PADI4: variants seen among roughly 807,000 people sequenced by gnomAD.
PADI4 encodes the protein peptidyl arginine deiminase 4, also known as protein-arginine deiminase type-4.
In PADI4, 62 loss-of-function variants were observed where a neutral mutation model predicts 75.0. The ratio of observed to expected loss-of-function variants is 0.83; its 90% CI spans 0.67 to 1.02. PADI4 has a LOEUF of 1.02. Among genes scored for constraint, PADI4 ranks in the 50% least tolerant of loss-of-function variants. The pLI, the probability that PADI4 is intolerant of heterozygous loss-of-function variation, is 0.00. For synonymous variants in PADI4, 361 were observed against 348.1 expected, an observed-to-expected ratio of 1.04 and a Z score of -0.41; for missense variants, 845 against 850.5, an observed-to-expected ratio of 0.99 and a Z score of 0.08.
At position 17,333,875 on chromosome 1, in the gene PADI4, T is replaced by C. The variant is rs1277606076; in HGVS notation, c.274-68T>C. On this transcript the variant is annotated intron_variant, in intron 2 of 15. Coordinates refer to ENST00000375448, the MANE Select transcript of PADI4 (RefSeq NM_012387.3). ...CAGTGCCCTACCCTGAGCCGGCACA[T>C]AGGAGGGGGTCCAGTGGGTGTTTGT... The C allele has an allele frequency of 2.4e-6, 3 of 1,227,304 alleles. No homozygotes were observed. The Admixed American group carries it at 5.1e-5, about 21-fold the overall frequency. The allele number at this position is 1,227,304 out of a possible 1,614,324, so 76.0% of individuals were successfully genotyped here.
At chr1:17,313,802 T>C (rs1037378134) in intron 1 of PADI4, among the ~76,000 whole-genome samples, 1 of 152,142 alleles carries the variant, frequency 6.6e-6, no homozygotes, top group Non-Finnish European at 1.5e-5. Context: ...GCTGGCTGTA[T>C]GGAGGGTGTT....
At position 17,346,724 on chromosome 1, in the gene PADI4, G is replaced by T. The variant is rs1393182900; in HGVS notation, c.1047+585G>T. ...TAGCACCCTGACCCTCCCCACCACT[G>T]CCTTGCTTTGCCTCGGGACCCTGTC... On this transcript the variant is annotated intron_variant, in intron 9 of 15. Coordinates refer to ENST00000375448, the MANE Select transcript of PADI4 (RefSeq NM_012387.3). The surrounding 1 kb of genome is among the most constrained non-coding windows in gnomAD (Gnocchi z 4.3). Among the ~76,000 whole-genome samples, 1 of 151,910 alleles carries T rather than the reference G, an allele frequency of 6.6e-6. No individual in the cohort carries two copies. Among genetic ancestry groups the T allele is most frequent in the Non-Finnish European group, 1.5e-5 (1 of 67,982 alleles).
chr1:17,347,941 G>A lies in PADI4; in HGVS notation c.1048G>A (p.Asp350Asn). The A allele has an allele frequency of 6.4e-7, 1 of 1,567,920 alleles. No individual in the cohort carries two copies. The highest frequency in any genetic ancestry group is 8.7e-7 in the Non-Finnish European group (1 of 1,150,796). ...GCCTCCTCTCCACTCACTCCCACAG[G>A]ATGAAATGGAGATCGGCTACATCCA... ...EENMDDQWMQ[D>N]EMEIGYIQAP... The change falls in exon 10 of 16, where the codon GAT becomes AAT. Residue 350 changes from aspartate (D) to asparagine (N), a missense_variant and splice_region_variant. Transcript: ENST00000375448.
In PADI4 at chr1:17,339,799, T is replaced by A; in HGVS notation, c.638T>A (p.Val213Glu). The A allele has an allele frequency of 6.2e-7, 1 of 1,608,430 alleles. No individual in the cohort carries two copies. The highest frequency in any genetic ancestry group is 8.5e-7 in the Non-Finnish European group (1 of 1,177,274). Reference protein sequence around the residue: ...VARSEMDKVRVFQATRGKLSS... With the variant: ...VARSEMDKVREFQATRGKLSS... Reference sequence around the variant, plus strand: ...AGGTCTGAGATGGACAAAGTGAGGGTGTTTCAGGCCACACGTAAGTCATCC... The same window carrying A: ...AGGTCTGAGATGGACAAAGTGAGGGAGTTTCAGGCCACACGTAAGTCATCC... Residue 213 changes from valine to glutamate, a missense_variant, in exon 6 of 16, where the codon GTG (valine) becomes GAG (glutamate). Physicochemically the swap from Val to Glu is moderately radical, Grantham distance 121. Coordinates refer to ENST00000375448, the MANE Select transcript of PADI4 (RefSeq NM_012387.3).
chr1:17,320,040 T>G (rs918181219), intron 1 of PADI4, among the ~76,000 whole-genome samples: 2 of 152,238 alleles, frequency 1.3e-5, no homozygotes, highest in Non-Finnish European at 2.9e-5. Context: ...ACTTATTACT[T>G]ACCAGTTTGC....
At chr1:17,315,041 C>T (rs1036162650) in intron 1 of PADI4, among the ~76,000 whole-genome samples, 1 of 152,188 alleles carries the variant, frequency 6.6e-6, no homozygotes, top group African/African-American at 2.4e-5. Context: ...AGCATGGGAA[C>T]CAGGCTGGGA....
chr1:17,317,294 G>T (rs1172909238), intron 1 of PADI4, among the ~76,000 whole-genome samples: 2 of 151,782 alleles, frequency 1.3e-5, no homozygotes, highest in African/African-American at 4.8e-5. Flanking sequence ...TGCCGACGGA[G>T]TCTCGCTCTT....
In PADI4 at chr1:17,316,551, C is replaced by G. The variant is rs1443433089; in HGVS notation, c.92+8237C>G. ...AAAAATACAAAAAAATTAGCCAGGC[C>G]TGGTGGCGGGCGCCTGTAGTCCCAG... On this transcript the variant is annotated intron_variant, in intron 1 of 15. Transcript: ENST00000375448. Among the ~76,000 whole-genome samples, 4 of 148,944 alleles carry G rather than the reference C, an allele frequency of 2.7e-5. No individual in the cohort carries two copies. In the East Asian group the frequency reaches 6.0e-4, roughly 22 times the overall value.
chr1:17,337,785 T>C (rs1635587), intron 4 of PADI4, among the ~76,000 whole-genome samples: 97,641 of 151,882 alleles, frequency 0.64, 31,543 homozygotes, highest in Non-Finnish European at 0.67. Flanking sequence ...TGTGGTGGCA[T>C]GCGCCTATAG....
intron 2 of PADI4, 143 bp from the exon 3 acceptor site, chr1:17,333,800 G>T (rs562247768): frequency 5.0e-6 from 3 of 602,402 alleles, no homozygotes; most frequent in Non-Finnish European, 9.2e-6. Flanking sequence ...CCCATCGGAT[G>T]GGGCCACTCC....
Position 17,356,316 on chromosome 1 carries a change from G to T in PADI4, c.1456-41G>T. The T allele has an allele frequency of 6.8e-7, 1 of 1,459,902 alleles. No individual in the cohort carries two copies. The allele number at this position is 1,459,902 out of a possible 1,614,324, so 90.4% of individuals were successfully genotyped here. A position where few individuals can be genotyped will look rare whatever the true frequency, so the allele number is the denominator to read the frequency against. ...AGATCCACCCTCGTTGGGAGCTCCAGGGGCAAAGCTGACTTCTAACCCCAG... is the reference window on the plus strand; with the variant it reads ...AGATCCACCCTCGTTGGGAGCTCCATGGGCAAAGCTGACTTCTAACCCCAG... On this transcript the variant is annotated intron_variant, in intron 12 of 15. Transcript: ENST00000375448. This position sits in a 1 kb window ranked among gnomAD's most constrained non-coding sequence, Gnocchi z 4.1.
In PADI4 at chr1:17,341,800, G is replaced by T. The variant is rs1353121164; in HGVS notation, c.653-143G>T. The stretch of plus-strand genomic sequence containing the variant: ...AACTTCAGTCCTTTTCTCCTAAGGG[G>T]ACTGGCCAGATTTGGCTGCAAGGGG... On this transcript the variant is annotated intron_variant, in intron 6 of 15. Coordinates refer to ENST00000375448, the MANE Select transcript of PADI4 (RefSeq NM_012387.3). The T allele has an allele frequency of 1.8e-5, 11 of 625,900 alleles. No homozygotes were observed. In the East Asian group the frequency reaches 2.7e-4, roughly 16 times the overall value. 38.8% of individuals were successfully genotyped at this position (625,900 alleles called of 1,614,324 possible).
At chr1:17,358,760 C>T (rs571089244) in intron 13 of PADI4, 78 bp from the exon 14 acceptor site, 6 of 838,428 alleles carry the variant, frequency 7.2e-6, no homozygotes, top group Non-Finnish European at 9.8e-6. Context: ...AACACTGAGT[C>T]CCCCCCCGGC....
At chr1:17,363,482 C>A in intron 15 of PADI4, 40 bp from the exon 16 acceptor site, 1 of 1,439,828 alleles carries the variant, frequency 6.9e-7, no homozygotes, top group Non-Finnish European at 9.7e-7. Context: ...CTGCAGGCTG[C>A]CCGCTGCTGC....
Position 17,341,862 on chromosome 1 carries a change from C to T in PADI4, c.653-81C>T, listed in dbSNP as rs142434305. On this transcript the variant is annotated intron_variant, in intron 6 of 15. Transcript: ENST00000375448. Reference sequence around the variant, plus strand: ...TGCCATGTGGTGACCCTGGGAAAGGCTTCTGGGGAGCACTAAGGAGAGGAG... The same window carrying T: ...TGCCATGTGGTGACCCTGGGAAAGGTTTCTGGGGAGCACTAAGGAGAGGAG... 8.2e-4 allele frequency: 895 copies of T among 1,090,080 alleles called. 13 individuals are homozygous for T. The East Asian group carries it at 0.018, about 22-fold the overall frequency. 67.5% of individuals were successfully genotyped at this position (1,090,080 alleles called of 1,614,324 possible).
chr1:17,360,378 A>G (rs1337018726), intron 15 of PADI4, among the ~76,000 whole-genome samples: 1 of 151,902 alleles, frequency 6.6e-6, no homozygotes, highest in Non-Finnish European at 1.5e-5. Context: ...GACTGATAGT[A>G]ATAGAGTATG....
intron 10 of PADI4, among the ~76,000 whole-genome samples, chr1:17,352,594 G>A (rs1240987592): frequency 6.6e-6 from 1 of 152,140 alleles, no homozygotes; most frequent in Non-Finnish European, 1.5e-5. Context: ...AGAGCCAGCA[G>A]GGCATTCTGA....
At position 17,346,234 on chromosome 1, in the gene PADI4, C is replaced by T. The variant is rs1635571; in HGVS notation, c.1047+95C>T. The T allele has an allele frequency of 0.038, 27,965 of 730,382 alleles. 707 individuals carry two copies. The highest frequency in any genetic ancestry group is 0.047 in the African/African-American group (2,644 of 56,580). 45.2% of individuals were successfully genotyped at this position (730,382 alleles called of 1,614,324 possible). A position where few individuals can be genotyped will look rare whatever the true frequency, so the allele number is the denominator to read the frequency against. ...CCTGGGGTTCAGCCTGGTGCCTCAC[C>T]GGCCACTCTTCCTTAGATGGACAGG... On this transcript the variant is annotated intron_variant, in intron 9 of 15. Transcript: ENST00000375448. This position sits in a 1 kb window ranked among gnomAD's most constrained non-coding sequence, Gnocchi z 4.3.
intron 1 of PADI4, among the ~76,000 whole-genome samples, chr1:17,323,886 A>G (rs181257951): frequency 6.6e-6 from 1 of 152,186 alleles, no homozygotes; most frequent in East Asian, 1.9e-4. Flanking sequence ...AACAAAAAAC[A>G]CATGTAATCC....
Sources: allele counts gnomAD v4.1 joint callset (sites outside exome capture counted in the v4.1 genomes callset), GRCh38; gene constraint gnomAD v4.1.1; non-coding constraint Gnocchi (gnomAD v3.1); transcripts MANE v1.5; gene names NCBI Gene and HGNC (gene_info 2026-07-23, HGNC 2026-07-21).